Variants in JARID2 observed in about 807,000 individuals in gnomAD.
JARID2 encodes jumonji and AT-rich interaction domain containing 2.
JARID2 carries 21 observed loss-of-function variants against 125.6 expected under a neutral mutation model. The ratio of observed to expected loss-of-function variants is 0.17; its 90% CI spans 0.12 to 0.24. JARID2 has a LOEUF of 0.24. Among genes scored for constraint, JARID2 ranks in the 10% least tolerant of loss-of-function variants. The pLI is 1.00. For synonymous variants in JARID2, 736 were observed against 661.6 expected (o/e 1.11, Z -1.73); for missense variants, 1,303 against 1,639.6 (o/e 0.79, Z 3.55).
intron 2 of JARID2, among the ~76,000 whole-genome samples, chr6:15,394,898 C>T (rs1053760797): frequency 6.0e-5 from 9 of 151,222 alleles, no homozygotes; most frequent in East Asian, 2.0e-4. Context: ...CATTGCTAAT[C>T]GGTCTATTGC....
intron 2 of JARID2, among the ~76,000 whole-genome samples, chr6:15,399,876 G>A (rs145663070): frequency 1.9e-4 from 29 of 152,360 alleles, no homozygotes; most frequent in Non-Finnish European, 2.8e-4. Context: ...AGGGCATGAA[G>A]AGAAGCATGT....
In JARID2 at chr6:15,496,841, C is replaced by T. The variant is rs776159543; in HGVS notation, c.1616C>T (p.Ser539Leu). The T allele has an allele frequency of 1.2e-5, 20 of 1,601,290 alleles. 1 individual carries two copies. Among genetic ancestry groups the T allele is most frequent in the Admixed American group, 3.4e-5 (2 of 59,416 alleles). Residue 539 changes from serine (S) to leucine (L), a missense_variant, in exon 7 of 18, where the codon TCG (serine) becomes TTG (leucine). Physicochemically the swap from Ser to Leu is moderately radical, Grantham distance 145 (BLOSUM62 -2). Coordinates refer to ENST00000341776, the MANE Select transcript of JARID2 (RefSeq NM_004973.4). ...GAGTCCGTGCACAAGCCGCAGGACT[C>T]GGGCAAGGCCGAGAAGGGCGGCGGC... The part of the protein sequence containing the change: ...QPESVHKPQD[S>L]GKAEKGGGKA...
At chr6:15,480,350 GTAT>G (rs1769551212) in intron 5 of JARID2, among the ~76,000 whole-genome samples, 1 of 152,244 alleles carries the variant, frequency 6.6e-6, no homozygotes, top group Non-Finnish European at 1.5e-5. Flanking sequence ...CTTCTGAACT[GTAT>G]TATTTCAGGT....
chr6:15,312,078 C>T (rs548954699), intron 1 of JARID2, among the ~76,000 whole-genome samples: 31 of 152,186 alleles, frequency 2.0e-4, no homozygotes, highest in African/African-American at 5.1e-4. Flanking sequence ...GATTTTGAGA[C>T]GGAGTCTTGC....
intron 1 of JARID2, among the ~76,000 whole-genome samples, chr6:15,251,860 C>T (rs1759468786): frequency 6.6e-6 from 1 of 152,136 alleles, no homozygotes; most frequent in Admixed American, 6.5e-5. Flanking sequence ...TGCCTGTAAT[C>T]CCAGCTACTC....
At chr6:15,519,449 C>T (rs539666245) in intron 17 of JARID2, among the ~76,000 whole-genome samples, 51 of 152,244 alleles carry the variant, frequency 3.3e-4, no homozygotes, top group African/African-American at 1.2e-3. Flanking sequence ...TCCTCTCCTG[C>T]CAGGGTCAGC....
intron 15 of JARID2, 46 bp from the exon 16 acceptor site, chr6:15,513,193 T>C (rs1581669618): frequency 3.2e-6 from 5 of 1,557,024 alleles, no homozygotes; most frequent in Non-Finnish European, 4.4e-6. Flanking sequence ...CTGGTGAGCA[T>C]GGCAGGCCGT....
chr6:15,426,261 T>G (rs1416171460), intron 3 of JARID2, among the ~76,000 whole-genome samples: 1 of 152,236 alleles, frequency 6.6e-6, no homozygotes, highest in Non-Finnish European at 1.5e-5. Flanking sequence ...CTTAACAGGC[T>G]GCTTCTAGAA....
At chr6:15,424,548 C>T (rs1368171412) in intron 3 of JARID2, among the ~76,000 whole-genome samples, 1 of 152,166 alleles carries the variant, frequency 6.6e-6, no homozygotes, top group East Asian at 1.9e-4. Context: ...CAGAGTGGCT[C>T]TGTTGATGTT....
At chr6:15,273,127 T>G (rs924962730) in intron 1 of JARID2, among the ~76,000 whole-genome samples, 7 of 152,142 alleles carry the variant, frequency 4.6e-5, no homozygotes, top group Admixed American at 3.9e-4. Flanking sequence ...CGTGCTAAGT[T>G]TCCTCATGTG....
intron 2 of JARID2, among the ~76,000 whole-genome samples, chr6:15,392,429 C>T (rs553498554): frequency 3.6e-4 from 55 of 152,094 alleles, no homozygotes; most frequent in Non-Finnish European, 6.5e-4. Flanking sequence ...AAGGATTCAC[C>T]TTCTGTCCGA....
In JARID2 at chr6:15,496,497, G is replaced by A. The variant is rs1207272282; in HGVS notation, c.1272G>A (p.Gly424=). 5.6e-6 allele frequency: 9 copies of A among 1,608,010 alleles called. No homozygotes were observed. The highest frequency in any genetic ancestry group is 1.1e-5 in the South Asian group (1 of 90,344). The change falls in exon 7 of 18, where the codon GGG becomes GGA. Residue 424 remains glycine (G), a synonymous_variant. Transcript: ENST00000341776. ...AGTCATGCACTAAGGAGGTGGGGGG[G>A]CGGCAGCTGCGGGAGGGCCTGCAGC... ...NPKSCTKEVG[G]RQLREGLQLR... is the part of the protein sequence containing the mutation.
intron 1 of JARID2, among the ~76,000 whole-genome samples, chr6:15,370,435 T>A (rs1297226845): frequency 6.6e-6 from 1 of 151,226 alleles, no homozygotes; most frequent in Non-Finnish European, 1.5e-5. Flanking sequence ...CCTCCCAGGT[T>A]CATGCCATTC....
At chr6:15,503,361 C>A (rs1172563336) in intron 8 of JARID2, among the ~76,000 whole-genome samples, 2 of 152,218 alleles carry the variant, frequency 1.3e-5, no homozygotes, top group Admixed American at 1.3e-4. Context: ...GTAGTTAGAA[C>A]CCCATCTAGT....
intron 5 of JARID2, among the ~76,000 whole-genome samples, chr6:15,483,106 G>A (rs937433170): frequency 1.1e-4 from 17 of 152,126 alleles, no homozygotes; most frequent in African/African-American, 3.9e-4. Flanking sequence ...AAAAAATCTA[G>A]TAACTAAGTA....
At chr6:15,279,418 G>T (rs1020595979) in intron 1 of JARID2, among the ~76,000 whole-genome samples, 2 of 152,184 alleles carry the variant, frequency 1.3e-5, no homozygotes, top group Non-Finnish European at 2.9e-5. Flanking sequence ...CTTTTCATAT[G>T]TGTATGGATT....
rs571300898 is a variant in JARID2 at position 15,282,607 on chromosome 6, T to C, written c.45+36023T>C. On this transcript the variant is annotated intron_variant, in intron 1 of 17. Transcript: ENST00000341776. ...TCCCCCTCTCCTCTCTTTCTTCCTC[T>C]TCTCTTCTCTTTTCTTTCCTCAGTT... 4.7e-5 allele frequency among the ~76,000 whole-genome samples: 6 copies of C among 126,660 alleles called. No individual in the cohort carries two copies. The South Asian group carries it at 9.5e-4, about 20-fold the overall frequency. 83.1% of individuals were successfully genotyped at this position (126,660 alleles called of 152,430 possible). A position where few individuals can be genotyped will look rare whatever the true frequency, so the allele number is the denominator to read the frequency against.
intron 3 of JARID2, among the ~76,000 whole-genome samples, chr6:15,431,376 G>T (rs1240890149): frequency 6.6e-6 from 1 of 152,140 alleles, no homozygotes; most frequent in Non-Finnish European, 1.5e-5. Context: ...TCTCATAAAC[G>T]ATGCCTTCCT....
rs1581681010 is a variant in JARID2 at position 15,520,640 on chromosome 6, A to T, written c.*389A>T. ...TGAAGTTTGGAGAACAAATTTAAAA[A>T]CCATCAGTCATGTGAGCAGATTTTT... On this transcript the variant is annotated 3_prime_UTR_variant, in exon 18 of 18. Transcript: ENST00000341776. 2 of 278,482 alleles carry T rather than the reference A, an allele frequency of 7.2e-6. 1 individual carries two copies. Among genetic ancestry groups the T allele is most frequent in the East Asian group, 2.4e-4 (2 of 8,492 alleles). 17.3% of individuals were successfully genotyped at this position (278,482 alleles called of 1,614,324 possible). A position where few individuals can be genotyped will look rare whatever the true frequency, so the allele number is the denominator to read the frequency against.
Sources: allele counts gnomAD v4.1 joint callset (sites outside exome capture counted in the v4.1 genomes callset), GRCh38; gene constraint gnomAD v4.1.1; transcripts MANE v1.5; gene names NCBI Gene and HGNC (gene_info 2026-07-23, HGNC 2026-07-21).